The following SMYD2 variants were observed in gnomAD, a reference collection of about 807,000 sequenced individuals.
SMYD2 encodes the protein SET and MYND domain containing 2.
Under a neutral mutation model 59.1 loss-of-function variants are expected in SMYD2, and 53 were observed. The ratio of observed to expected loss-of-function variants is 0.90; its 90% CI spans 0.72 to 1.13. The LOEUF is 1.13. SMYD2 is among the 50% of genes most tolerant of loss of function. The probability of loss-of-function intolerance (pLI) is 0.00; values close to 1 mark genes in which losing one functional copy is unlikely to be tolerated. For synonymous variants in SMYD2, 208 were observed against 198.8 expected, an observed-to-expected ratio of 1.05 and a Z score of -0.39; for missense variants, 494 against 544.7, an observed-to-expected ratio of 0.91 and a Z score of 0.93.
At chr1:214,329,992 A>G (rs1221052032) in intron 7 of SMYD2, among the ~76,000 whole-genome samples, 176 bp from the exon 8 acceptor site, 2 of 152,170 alleles carry the variant, frequency 1.3e-5, no homozygotes, top group South Asian at 4.1e-4. Flanking sequence ...GAGAAAGCCA[A>G]CGTCAGGTGG....
chr1:214,297,578 C>A (rs1187924365), intron 1 of SMYD2, among the ~76,000 whole-genome samples: 3 of 152,104 alleles, frequency 2.0e-5, no homozygotes, highest in Non-Finnish European at 4.4e-5. Context: ...ACATATACTG[C>A]ACATACACAG....
intron 1 of SMYD2, among the ~76,000 whole-genome samples, chr1:214,303,379 G>C (rs139410833): frequency 6.6e-6 from 1 of 152,138 alleles, no homozygotes; most frequent in African/African-American, 2.4e-5. Context: ...TTTCCCGAGA[G>C]AGCAAGGGTC....
At chr1:214,325,513 G>C (rs2102475244) in intron 6 of SMYD2, among the ~76,000 whole-genome samples, 1 of 152,314 alleles carries the variant, frequency 6.6e-6, no homozygotes, top group Middle Eastern at 3.4e-3. Flanking sequence ...TTTGCCTGTA[G>C]GTTGCCACAT....
At chr1:214,282,232 G>T (rs564161617) in intron 1 of SMYD2, among the ~76,000 whole-genome samples, 1 of 152,302 alleles carries the variant, frequency 6.6e-6, no homozygotes, top group African/African-American at 2.4e-5. Context: ...GAGCTTAAAG[G>T]CACATTAGAA....
chr1:214,303,843 G>A (rs1483731667), intron 1 of SMYD2, among the ~76,000 whole-genome samples: 3 of 152,252 alleles, frequency 2.0e-5, no homozygotes, highest in Admixed American at 2.0e-4. Flanking sequence ...GGGGGACGAG[G>A]TGGCACAGGG....
At chr1:214,290,965 C>T (rs1558048217) in intron 1 of SMYD2, among the ~76,000 whole-genome samples, 1 of 152,126 alleles carries the variant, frequency 6.6e-6, no homozygotes, top group Non-Finnish European at 1.5e-5. Context: ...CTGTCAATTC[C>T]GTGAATCCAT....
At chr1:214,327,502 G>A in intron 6 of SMYD2, 120 bp from the exon 7 acceptor site, 1 of 799,604 alleles carries the variant, frequency 1.3e-6, no homozygotes, top group South Asian at 1.6e-5. Flanking sequence ...CCAACTATTA[G>A]ATTTTTAAAA....
chr1:214,307,165 TTC>T (rs1411998183), intron 2 of SMYD2, among the ~76,000 whole-genome samples: 3 of 152,192 alleles, frequency 2.0e-5, no homozygotes, highest in African/African-American at 7.2e-5. Flanking sequence ...AAGAGTGAAA[TTC>T]TGTCTCAAAA....
chr1:214,322,960 G>C (rs1321755869), intron 5 of SMYD2, among the ~76,000 whole-genome samples: 1 of 152,190 alleles, frequency 6.6e-6, no homozygotes, highest in Admixed American at 6.5e-5. Flanking sequence ...AATTGTAACA[G>C]TGCAGTGTCC....
At chr1:214,286,509 A>C (rs1247627044) in intron 1 of SMYD2, among the ~76,000 whole-genome samples, 1 of 151,866 alleles carries the variant, frequency 6.6e-6, no homozygotes, top group Non-Finnish European at 1.5e-5. Flanking sequence ...GGTGGCTCAC[A>C]CCTGTAATCC....
Position 214,330,211 on chromosome 1 carries a change from G to C in SMYD2, c.749G>C (p.Arg250Thr), listed in dbSNP as rs1453879180. The change falls in exon 8 of 12, where the codon AGA becomes ACA. Residue 250 changes from arginine (R) to threonine (T), a missense_variant. By Grantham distance (71) the Arg-to-Thr change is moderately conservative. Coordinates refer to ENST00000366957, the MANE Select transcript of SMYD2 (RefSeq NM_020197.3). ...GATCTCCTGTACCCAACGGAAGATA[G>C]AAATGACCGGTTAAGAGATTCTTAT... ...YIDLLYPTEDRNDRLRDSYFF... is the reference protein window; with the variant it reads ...YIDLLYPTEDTNDRLRDSYFF... The C allele has an allele frequency of 6.2e-7, 1 of 1,613,668 alleles. No individual in the cohort carries two copies. Among genetic ancestry groups the C allele is most frequent in the Non-Finnish European group, 8.5e-7 (1 of 1,179,720 alleles).
chr1:214,297,217 C>T (rs1434182271), intron 1 of SMYD2, among the ~76,000 whole-genome samples: 1 of 152,144 alleles, frequency 6.6e-6, no homozygotes, highest in East Asian at 1.9e-4. Flanking sequence ...ACTGATGATC[C>T]CTGCCCCAGA....
intron 11 of SMYD2, among the ~76,000 whole-genome samples, chr1:214,334,762 G>A (rs537852158): frequency 2.0e-5 from 3 of 152,332 alleles, no homozygotes; most frequent in African/African-American, 7.2e-5. Flanking sequence ...CAAGACCCTC[G>A]TGTGCTTTTC....
At chr1:214,333,493 C>T (rs1474008082) in intron 10 of SMYD2, 7 of 152,298 alleles carry the variant, frequency 4.6e-5, no homozygotes, top group South Asian at 2.1e-4. Context: ...TAAATAAACA[C>T]CTCTTACACA....
intron 1 of SMYD2, among the ~76,000 whole-genome samples, chr1:214,289,335 C>T (rs1382793236): frequency 6.6e-6 from 1 of 152,148 alleles, no homozygotes; most frequent in African/African-American, 2.4e-5. Context: ...TTTTCCCTGT[C>T]AGTATAAAAA....
At position 214,337,039 on chromosome 1, in the gene SMYD2, C is replaced by G; in HGVS notation, c.*255C>G. ...TTTCATATGTTATACTTTGGACAGA[C>G]AGAGTTTTAAAAATGGAATTATTTT... is the stretch of plus-strand genomic sequence containing the variant. On this transcript the variant is annotated 3_prime_UTR_variant, in exon 12 of 12. Coordinates refer to ENST00000366957, the MANE Select transcript of SMYD2 (RefSeq NM_020197.3). The G allele has an allele frequency of 3.3e-6, 1 of 301,948 alleles. No homozygotes were observed. The highest frequency in any genetic ancestry group is 5.6e-5 in the South Asian group (1 of 17,926). The allele number at this position is 301,948 out of a possible 1,614,324, so 18.7% of individuals were successfully genotyped here. A position where few individuals can be genotyped will look rare whatever the true frequency, so the allele number is the denominator to read the frequency against.
intron 1 of SMYD2, among the ~76,000 whole-genome samples, chr1:214,289,273 A>G (rs1656599145): frequency 6.6e-6 from 1 of 152,204 alleles, no homozygotes; most frequent in Non-Finnish European, 1.5e-5. Context: ...TTTCTACTGT[A>G]TTTGGGTGTT....
intron 2 of SMYD2, among the ~76,000 whole-genome samples, chr1:214,309,125 G>T (rs1435945705): frequency 6.6e-6 from 1 of 152,118 alleles, no homozygotes; most frequent in Non-Finnish European, 1.5e-5. Flanking sequence ...TTCGGATTTT[G>T]CTTTATTTGA....
intron 2 of SMYD2, among the ~76,000 whole-genome samples, chr1:214,306,880 G>T (rs1656922352): frequency 6.6e-6 from 1 of 152,188 alleles, no homozygotes; most frequent in Non-Finnish European, 1.5e-5. Context: ...TATGAAACTG[G>T]CAAGTTATGG....
Sources: allele counts gnomAD v4.1 joint callset (sites outside exome capture counted in the v4.1 genomes callset), GRCh38; gene constraint gnomAD v4.1.1; transcripts MANE v1.5; gene names NCBI Gene and HGNC (gene_info 2026-07-23, HGNC 2026-07-21).